The following NEK6 variants were observed in gnomAD, a reference collection of about 807,000 sequenced individuals.
NEK6 encodes serine/threonine-protein kinase Nek6.
NEK6 carries 27 observed loss-of-function variants against 43.5 expected under a neutral mutation model. The ratio of observed to expected loss-of-function variants is 0.62; its 90% CI spans 0.46 to 0.86. The LOEUF (loss-of-function observed/expected upper bound fraction) is 0.86, where lower values mean the gene tolerates loss of function less well. Among genes scored for constraint, NEK6 ranks in the 40% least tolerant of loss-of-function variants. The pLI, the probability that NEK6 is intolerant of heterozygous loss-of-function variation, is 0.00. For missense variants in NEK6, 318 were observed against 414.4 expected, an observed-to-expected ratio of 0.77 and a Z score of 2.02; for synonymous variants, 167 against 164.1, an observed-to-expected ratio of 1.02 and a Z score of -0.14.
chr9:124,264,814 CAAAAAAA>C lies in NEK6; in HGVS notation c.-30+6748_-30+6754del, dbSNP rs372219790. 2.7e-3 allele frequency among the ~76,000 whole-genome samples: 237 copies of C among 88,642 alleles called. 1 individual carries two copies. Among genetic ancestry groups the C allele is most frequent in the South Asian group, 0.011 (29 of 2,580 alleles). The allele number at this position is 88,642 out of a possible 152,430, so 58.2% of individuals were successfully genotyped here. ...TAGGCAACAGAGCGAGACTCTGTAT[CAAAAAAA>C]AAAAAAAAAAAAAAAAAAGAGTTCT... On this transcript the variant is annotated intron_variant, in intron 1 of 9. Coordinates refer to ENST00000320246, the MANE Select transcript of NEK6 (RefSeq NM_014397.6).
intron 1 of NEK6, among the ~76,000 whole-genome samples, chr9:124,273,412 G>A (rs896318855): frequency 6.6e-6 from 1 of 152,288 alleles, no homozygotes; most frequent in Non-Finnish European, 1.5e-5. Context: ...ATTCCACAGC[G>A]AAACTGCCTT....
intron 7 of NEK6, among the ~76,000 whole-genome samples, chr9:124,331,674 T>C (rs956444657): frequency 2.6e-5 from 4 of 152,190 alleles, no homozygotes; most frequent in African/African-American, 9.7e-5. Flanking sequence ...CCTCCTCTCA[T>C]GGTGTGTGTC....
chr9:124,347,366 CACTCGGCAACCT>C (rs1452705389), intron 8 of NEK6, among the ~76,000 whole-genome samples: 1 of 152,270 alleles, frequency 6.6e-6, no homozygotes, highest in Non-Finnish European at 1.5e-5. Flanking sequence ...TAAGACCATG[CACTCGGCAACCT>C]GCCACATGGA....
At chr9:124,288,078 T>A (rs1447289303) in intron 1 of NEK6, among the ~76,000 whole-genome samples, 2 of 152,134 alleles carry the variant, frequency 1.3e-5, no homozygotes, top group Non-Finnish European at 2.9e-5. Context: ...TCTCTCGCCC[T>A]CCCAAAAGGC....
intron 1 of NEK6, among the ~76,000 whole-genome samples, chr9:124,285,731 C>T (rs1332216172): frequency 1.3e-5 from 2 of 152,140 alleles, no homozygotes; most frequent in Non-Finnish European, 2.9e-5. Context: ...CGGCCGCAGG[C>T]AGGAGGGCCG....
chr9:124,305,404 A>G lies in NEK6; in HGVS notation c.90+3350A>G, dbSNP rs181563133. Among the ~76,000 whole-genome samples the G allele has an allele frequency of 5.1e-3, 769 of 152,148 alleles. 9 individuals carry two copies. The highest frequency in any genetic ancestry group is 0.017 in the African/African-American group (724 of 41,494). On this transcript the variant is annotated intron_variant, in intron 2 of 9. Coordinates refer to ENST00000320246, the MANE Select transcript of NEK6 (RefSeq NM_014397.6). ...CCCTGTCTCTACTAAAAATATAAAA[A>G]TTAGCTGGGCGTGGTGGTGTTCACC... is the stretch of plus-strand genomic sequence containing the variant.
chr9:124,342,887 C>T (rs1291473082), intron 8 of NEK6, among the ~76,000 whole-genome samples: 1 of 152,224 alleles, frequency 6.6e-6, no homozygotes, highest in African/African-American at 2.4e-5. Flanking sequence ...TGCCCACTTC[C>T]CTGGGGCTGG....
At chr9:124,292,485 T>G in intron 1 of NEK6, 1 of 1,537,086 alleles carries the variant, frequency 6.5e-7, no homozygotes, top group Non-Finnish European at 8.7e-7. Context: ...GCTTGAAAGC[T>G]TTCCCTGCAT....
intron 1 of NEK6, among the ~76,000 whole-genome samples, chr9:124,259,694 C>CG (rs1364765603): frequency 4.6e-5 from 7 of 152,136 alleles, no homozygotes; most frequent in African/African-American, 1.7e-4. Context: ...GAGAGCCTGA[C>CG]GGGCAAACAT....
At chr9:124,327,648 C>T (rs1416463122) in intron 7 of NEK6, among the ~76,000 whole-genome samples, 4 of 152,234 alleles carry the variant, frequency 2.6e-5, no homozygotes, top group African/African-American at 9.6e-5. Context: ...GGGCTTCCCA[C>T]ACCCCCTGAT....
At chr9:124,272,936 T>A (rs1421528258) in intron 1 of NEK6, among the ~76,000 whole-genome samples, 1 of 152,200 alleles carries the variant, frequency 6.6e-6, no homozygotes, top group Non-Finnish European at 1.5e-5. Flanking sequence ...GGATGTTTTT[T>A]TAATTCTTGG....
At chr9:124,283,267 G>A (rs892718779) in intron 1 of NEK6, among the ~76,000 whole-genome samples, 9 of 152,218 alleles carry the variant, frequency 5.9e-5, no homozygotes, top group Non-Finnish European at 1.3e-4. Context: ...TACTGAATGA[G>A]AGAGAGCATC....
At position 124,326,749 on chromosome 9, in the gene NEK6, C is replaced by T. The variant is rs758487413; in HGVS notation, c.514+311C>T. Among the ~76,000 whole-genome samples, 1 of 152,160 alleles carries T rather than the reference C, an allele frequency of 6.6e-6. No homozygotes were observed. The highest frequency in any genetic ancestry group is 1.5e-5 in the Non-Finnish European group (1 of 68,022). ...GAGGGGACTTTCATGGGGGCTTTGC[C>T]GTCTCAGCGGGCTGGGCTGAGAAGG... On this transcript the variant is annotated intron_variant, in intron 6 of 9. Coordinates refer to ENST00000320246, the MANE Select transcript of NEK6 (RefSeq NM_014397.6). This position sits in a 1 kb window ranked among gnomAD's most constrained non-coding sequence, Gnocchi z 4.5.
At chr9:124,281,346 A>G (rs75039876) in intron 1 of NEK6, among the ~76,000 whole-genome samples, 21,746 of 152,142 alleles carry the variant, frequency 0.14, 1,622 homozygotes, top group Non-Finnish European at 0.16. Flanking sequence ...GTCACCTAGC[A>G]CAGTGGCCTG....
At chr9:124,291,174 TCCC>T (rs386738457) in intron 1 of NEK6, among the ~76,000 whole-genome samples, 2,452 of 152,320 alleles carry the variant, frequency 0.016, 70 homozygotes, top group African/African-American at 0.055. Context: ...ACTACCCTTG[TCCC>T]TGTTTTACCC....
At chr9:124,282,537 C>G (rs528430328) in intron 1 of NEK6, among the ~76,000 whole-genome samples, 47 of 152,288 alleles carry the variant, frequency 3.1e-4, no homozygotes, top group African/African-American at 1.0e-3. Context: ...GGAGCCTGCC[C>G]TCATTCCCAG....
intron 5 of NEK6, 116 bp downstream of exon 5, chr9:124,321,685 G>A (rs191475919): frequency 3.1e-4 from 213 of 677,800 alleles, no homozygotes; most frequent in African/African-American, 2.3e-3. Flanking sequence ...GCGGCCACCC[G>A]GGGACCCTGG....
chr9:124,302,758 C>T (rs537632034), intron 2 of NEK6, among the ~76,000 whole-genome samples: 4 of 152,332 alleles, frequency 2.6e-5, no homozygotes, highest in African/African-American at 7.2e-5. Context: ...CTGGGCTGCC[C>T]GCACACCTGT....
chr9:124,292,088 G>A, intron 1 of NEK6: 1 of 1,049,812 alleles, frequency 9.5e-7, no homozygotes, highest in Non-Finnish European at 1.2e-6. Context: ...CACTTCAAAA[G>A]GTACCCTGAC....
Sources: allele counts gnomAD v4.1 joint callset (sites outside exome capture counted in the v4.1 genomes callset), GRCh38; gene constraint gnomAD v4.1.1; non-coding constraint Gnocchi (gnomAD v3.1); transcripts MANE v1.5; gene names NCBI Gene and HGNC (gene_info 2026-07-23, HGNC 2026-07-21).